The following DCLRE1B variants were observed in gnomAD, a reference collection of about 807,000 sequenced individuals.
The protein encoded by DCLRE1B is 5' exonuclease Apollo.
Under a neutral mutation model 19.8 loss-of-function variants are expected in DCLRE1B, and 6 were observed. The ratio of observed to expected loss-of-function variants is 0.30; its 90% CI spans 0.17 to 0.60. The LOEUF (loss-of-function observed/expected upper bound fraction) is 0.60. Ranked by LOEUF, DCLRE1B falls within the 20% of genes least tolerant of loss-of-function variation. The pLI is 0.87. For synonymous variants in DCLRE1B, 258 were observed against 255.7 expected (o/e 1.01, Z -0.09); for missense variants, 622 against 654.2 (o/e 0.95, Z 0.54).
At chr1:113,905,974 G>GATATTTA (rs1668918811) in intron 1 of DCLRE1B, among the ~76,000 whole-genome samples, 199 bp downstream of exon 1, 1 of 150,624 alleles carries the variant, frequency 6.6e-6, no homozygotes, top group Non-Finnish European at 1.5e-5. Flanking sequence ...AAGTTGAGGA[G>GATATTTA]ATATTTTAAT....
At chr1:113,907,201 GATGTT>G in intron 2 of DCLRE1B, 40 bp downstream of exon 2, 2 of 245,258 alleles carry the variant, frequency 8.2e-6, no homozygotes, top group Non-Finnish European at 1.3e-5. Flanking sequence ...CTCCAGACTA[GATGTT>G]TTTTTTTTTT....
intron 1 of DCLRE1B, among the ~76,000 whole-genome samples, chr1:113,906,772 C>T (rs368368630): frequency 2.6e-4 from 40 of 152,264 alleles, no homozygotes; most frequent in African/African-American, 9.6e-4. Context: ...GGATTACAGG[C>T]GTGAGCCACC....
rs934601938 is a variant in DCLRE1B at position 113,913,380 on chromosome 1, TGA to T, written c.*1196_*1197del. ...GGGGATTTAAAAGAGTTTTCTGCTTTGAGAGAGAAATAGAGAGTTTAGAAAGC... is the reference window on the plus strand; with the variant it reads ...GGGGATTTAAAAGAGTTTTCTGCTTTGAGAGAAATAGAGAGTTTAGAAAGC... On this transcript the variant is annotated 3_prime_UTR_variant, in exon 4 of 4. Coordinates refer to ENST00000650450, the MANE Select transcript of DCLRE1B (RefSeq NM_022836.4). The T allele has an allele frequency of 6.5e-6, 1 of 152,728 alleles. No homozygotes were observed. The highest frequency in any genetic ancestry group is 1.5e-5 in the Non-Finnish European group (1 of 68,034). The allele number at this position is 152,728 out of a possible 1,614,324, so 9.5% of individuals were successfully genotyped here.
intron 3 of DCLRE1B, among the ~76,000 whole-genome samples, chr1:113,910,895 TG>T (rs1669227608): frequency 6.6e-6 from 1 of 152,224 alleles, no homozygotes; most frequent in Non-Finnish European, 1.5e-5. Flanking sequence ...TTAGTTTTCA[TG>T]GTGCCTGAAA....
At chr1:113,909,144 G>C (rs1669156835) in intron 3 of DCLRE1B, among the ~76,000 whole-genome samples, 1 of 152,220 alleles carries the variant, frequency 6.6e-6, no homozygotes. Context: ...TTTATTATGG[G>C]TGTATCACAA....
chr1:113,906,046 C>CT lies in DCLRE1B; in HGVS notation c.189+299dup, dbSNP rs1159693224. 4.5e-3 allele frequency among the ~76,000 whole-genome samples: 305 copies of CT among 68,106 alleles called. 55 individuals carry two copies. The highest frequency in any genetic ancestry group is 0.011 in the East Asian group (25 of 2,366). The allele number at this position is 68,106 out of a possible 152,430, so 44.7% of individuals were successfully genotyped here. Reference sequence around the variant, plus strand: ...CTAGGCCGATGTTTCCCAAACTTGCCTTTTTTTTTTTTTTTTTTTTTTTTT... The same window carrying CT: ...CTAGGCCGATGTTTCCCAAACTTGCCTTTTTTTTTTTTTTTTTTTTTTTTTT... On this transcript the variant is annotated intron_variant, in intron 1 of 3. Transcript: ENST00000650450.
Position 113,905,539 on chromosome 1 carries a change from C to T in DCLRE1B, c.-48C>T, listed in dbSNP as rs779663904. 1 of 1,591,330 alleles carries T rather than the reference C, an allele frequency of 6.3e-7. No individual in the cohort carries two copies. Among genetic ancestry groups the T allele is most frequent in the Admixed American group, 1.8e-5 (1 of 56,888 alleles). On this transcript the variant is annotated 5_prime_UTR_variant, in exon 1 of 4. Coordinates refer to ENST00000650450, the MANE Select transcript of DCLRE1B (RefSeq NM_022836.4). ...CCGTTGTGGAAGCCTCACGCAGGAG[C>T]CCTGCCCCCGTGGAGAAGATCCCAC...
chr1:113,910,484 G>C (rs1018060840), intron 3 of DCLRE1B, among the ~76,000 whole-genome samples: 6 of 152,166 alleles, frequency 3.9e-5, no homozygotes, highest in African/African-American at 1.4e-4. Context: ...TCACCTGTTA[G>C]ATACAATACT....
rs1159213829 is a variant in DCLRE1B, at chr1:113,908,046, A to G, written c.393A>G (p.Pro131=). The G allele has an allele frequency of 3.7e-6, 6 of 1,614,208 alleles. No homozygotes were observed. The highest frequency in any genetic ancestry group is 1.7e-6 in the Non-Finnish European group (2 of 1,180,030). Residue 131 remains proline, a synonymous_variant, in exon 3 of 4, where the codon CCA becomes CCG. Transcript: ENST00000650450. ...FRYTPSMLKE[P]ALTLGKQIHT... The stretch of plus-strand genomic sequence containing the variant: ...ACACACCATCCATGCTAAAGGAGCC[A>G]GCCCTGACACTGGGGAAACAGATCC...
chr1:113,907,872 C>A, intron 2 of DCLRE1B, 137 bp from the exon 3 acceptor site: 5 of 883,538 alleles, frequency 5.7e-6, no homozygotes, highest in Non-Finnish European at 6.9e-6. Flanking sequence ...AGCTATACTG[C>A]CTAGTTCAGT....
chr1:113,912,314 G>A lies in DCLRE1B; in HGVS notation c.*123G>A. 1 of 1,012,266 alleles carries A rather than the reference G, an allele frequency of 9.9e-7. No homozygotes were observed. Among genetic ancestry groups the A allele is most frequent in the Non-Finnish European group, 1.4e-6 (1 of 714,152 alleles). The allele number at this position is 1,012,266 out of a possible 1,614,324, so 62.7% of individuals were successfully genotyped here. ...TTTTCTATCTTTACAAGACTCTTAT[G>A]GGCCCACCGTGGAGCAGCACTTCCC... On this transcript the variant is annotated 3_prime_UTR_variant, in exon 4 of 4. Coordinates refer to ENST00000650450, the MANE Select transcript of DCLRE1B (RefSeq NM_022836.4).
In DCLRE1B at chr1:113,905,697, C is replaced by A. The variant is rs757534089; in HGVS notation, c.111C>A (p.Thr37=). The A allele has an allele frequency of 6.2e-6, 10 of 1,614,070 alleles. 1 individual carries two copies. In the Admixed American group the frequency reaches 1.0e-4, roughly 16 times the overall value. ...FFLSHMHSDH[T]VGLSSTWARP... Reference sequence around the variant, plus strand: ...TGTCTCACATGCACTCGGACCACACCGTGGGCCTGTCTAGCACCTGGGCCC... The same window carrying A: ...TGTCTCACATGCACTCGGACCACACAGTGGGCCTGTCTAGCACCTGGGCCC... Residue 37 remains threonine, a synonymous_variant, in exon 1 of 4, where the codon ACC becomes ACA. Transcript: ENST00000650450.
At chr1:113,906,779 C>T (rs1208894907) in intron 1 of DCLRE1B, among the ~76,000 whole-genome samples, 1 of 152,206 alleles carries the variant, frequency 6.6e-6, no homozygotes, top group African/African-American at 2.4e-5. Context: ...AGGCGTGAGC[C>T]ACCACGCCCG....
chr1:113,906,390 G>GTGC (rs1668967373), intron 1 of DCLRE1B, among the ~76,000 whole-genome samples: 1 of 151,040 alleles, frequency 6.6e-6, no homozygotes, highest in African/African-American at 2.4e-5. Flanking sequence ...TCCACCTAAT[G>GTGC]TGCTGGGTGG....
Position 113,908,800 on chromosome 1 carries a change from C to T in DCLRE1B, c.538+609C>T, listed in dbSNP as rs574266765. On this transcript the variant is annotated intron_variant, in intron 3 of 3. Transcript: ENST00000650450. ...ACTTCCTCTGGCCCATGCACATACG[C>T]GTGCACACACACACACACACAAGCA... 5.7e-4 allele frequency among the ~76,000 whole-genome samples: 83 copies of T among 146,332 alleles called. 1 individual carries two copies. The highest frequency in any genetic ancestry group is 4.2e-3 in the South Asian group (20 of 4,794).
At chr1:113,904,917 C>CCA, upstream of DCLRE1B, 1 of 577,766 alleles carries the variant, frequency 1.7e-6, no homozygotes, top group Non-Finnish European at 3.2e-6. Context: ...ACCGCGAGCC[C>CCA]CACCCTAGGC....
chr1:113,905,887 GT>G, intron 1 of DCLRE1B, 112 bp downstream of exon 1: 1 of 1,281,444 alleles, frequency 7.8e-7, no homozygotes. Context: ...TTTGGAAGTT[GT>G]TTGAACCCAA....
In DCLRE1B at chr1:113,907,204, G is replaced by GTTTTTTTTTTTTTTTTT. The variant is rs71090746; in HGVS notation, c.355+57_355+73dup. Reference sequence around the variant, plus strand: ...TCCCAGTGACTTCTCCAGACTAGATGTTTTTTTTTTTTTTTTTTTTTTTTT... The same window carrying GTTTTTTTTTTTTTTTTT: ...TCCCAGTGACTTCTCCAGACTAGATGTTTTTTTTTTTTTTTTTTTTTTTTTTTTTTTTTTTTTTTTTT... On this transcript the variant is annotated intron_variant, in intron 2 of 3. Coordinates refer to ENST00000650450, the MANE Select transcript of DCLRE1B (RefSeq NM_022836.4). The GTTTTTTTTTTTTTTTTT allele has an allele frequency of 8.7e-5, 43 of 492,562 alleles. 7 individuals carry two copies. Among genetic ancestry groups the GTTTTTTTTTTTTTTTTT allele is most frequent in the African/African-American group, 4.6e-4 (8 of 17,248 alleles). 30.5% of individuals were successfully genotyped at this position (492,562 alleles called of 1,614,324 possible).
In DCLRE1B at chr1:113,912,113, T is replaced by A; in HGVS notation, c.1521T>A (p.Thr507=). 3 of 1,614,146 alleles carry A rather than the reference T, an allele frequency of 1.9e-6. No homozygotes were observed. Among genetic ancestry groups the A allele is most frequent in the Non-Finnish European group, 2.5e-6 (3 of 1,180,022 alleles). ...GTCTAGCACTCAAATATCTTCTGAC[T>A]CCAGTGAACTTTTTCCAGGCAGGGT... The part of the protein sequence containing the change: ...FRGLALKYLL[T]PVNFFQAGYS... Residue 507 remains threonine, a synonymous_variant, in exon 4 of 4, where the codon ACT becomes ACA. Coordinates refer to ENST00000650450, the MANE Select transcript of DCLRE1B (RefSeq NM_022836.4).
Sources: allele counts gnomAD v4.1 joint callset (sites outside exome capture counted in the v4.1 genomes callset), GRCh38; gene constraint gnomAD v4.1.1; transcripts MANE v1.5; gene names NCBI Gene and HGNC (gene_info 2026-07-23, HGNC 2026-07-21).